Variants in XRCC5 observed in about 807,000 individuals in gnomAD.
The protein encoded by XRCC5 is X-ray repair cross complementing 5.
A neutral mutation model predicts 95.7 loss-of-function variants in XRCC5; 12 were observed. That is an observed-to-expected ratio of 0.13 (90% CI 0.08 to 0.20). The LOEUF (loss-of-function observed/expected upper bound fraction) is 0.20. XRCC5 is among the 10% of genes least tolerant of loss of function. The pLI is 1.00. For synonymous variants in XRCC5, 281 were observed against 290.3 expected, an observed-to-expected ratio of 0.97 and a Z score of 0.33; for missense variants, 595 against 873.9, an observed-to-expected ratio of 0.68 and a Z score of 4.02.
At chr2:216,183,235 G>C (rs1050627899) in intron 16 of XRCC5, among the ~76,000 whole-genome samples, 23 of 152,090 alleles carry the variant, frequency 1.5e-4, no homozygotes, top group African/African-American at 4.3e-4. Flanking sequence ...TAAAAGGAGA[G>C]AGATCTCATA....
chr2:216,181,407 C>T (rs1463063411), intron 16 of XRCC5, among the ~76,000 whole-genome samples: 1 of 152,142 alleles, frequency 6.6e-6, no homozygotes. Flanking sequence ...CAAGGCTTGC[C>T]ACAATCTGGT....
chr2:216,170,943 TCTC>T (rs1181418827), intron 16 of XRCC5, among the ~76,000 whole-genome samples: 1 of 152,192 alleles, frequency 6.6e-6, no homozygotes, highest in African/African-American at 2.4e-5. Flanking sequence ...TGTACTTGGT[TCTC>T]CTTGAATTGG....
In XRCC5 at chr2:216,178,738, A is replaced by G. The variant is rs3770504; in HGVS notation, c.1835-11487A>G. Among the ~76,000 whole-genome samples, 11 of 152,152 alleles carry G rather than the reference A, an allele frequency of 7.2e-5. No homozygotes were observed. The East Asian group carries it at 2.1e-3, about 29-fold the overall frequency. On this transcript the variant is annotated intron_variant, in intron 16 of 20. Coordinates refer to ENST00000392132, the MANE Select transcript of XRCC5 (RefSeq NM_021141.4). ...ATAGAGCTTTATTGTAACCATTTCC[A>G]TCTCTGTAAAATTAAGGGAGGGAGG...
chr2:216,121,153 A>G (rs1449860938), intron 5 of XRCC5, among the ~76,000 whole-genome samples: 1 of 152,162 alleles, frequency 6.6e-6, no homozygotes, highest in African/African-American at 2.4e-5. Flanking sequence ...CACTTTTACG[A>G]CATTTGTCCT....
At chr2:216,200,029 G>T (rs1160022991) in intron 19 of XRCC5, among the ~76,000 whole-genome samples, 1 of 142,584 alleles carries the variant, frequency 7.0e-6, no homozygotes, top group African/African-American at 3.0e-5. Context: ...TTACCAATTG[G>T]TGTTGGCCAT....
At chr2:216,127,316 G>T (rs1696915026) in intron 7 of XRCC5, among the ~76,000 whole-genome samples, 1 of 152,114 alleles carries the variant, frequency 6.6e-6, no homozygotes, top group Admixed American at 6.6e-5. Flanking sequence ...AAATATTTGT[G>T]GATTACTTTT....
At chr2:216,121,939 G>A (rs1345220403) in intron 5 of XRCC5, 123 bp from the exon 6 acceptor site, 1 of 853,844 alleles carries the variant, frequency 1.2e-6, no homozygotes, top group Non-Finnish European at 1.7e-6. Context: ...AGGTAGGTAA[G>A]AGTCGTTTGA....
chr2:216,174,587 T>A (rs968028588), intron 16 of XRCC5, among the ~76,000 whole-genome samples: 5 of 152,212 alleles, frequency 3.3e-5, no homozygotes, highest in African/African-American at 1.2e-4. Flanking sequence ...ATATACTTGA[T>A]GTAATGAAAA....
intron 20 of XRCC5, among the ~76,000 whole-genome samples, chr2:216,204,652 A>G (rs1328437105): frequency 6.6e-6 from 1 of 152,224 alleles, no homozygotes; most frequent in Non-Finnish European, 1.5e-5. Flanking sequence ...AAGGGCTGAA[A>G]AAGAGCTAGG....
chr2:216,131,729 T>C (rs1479339043), intron 9 of XRCC5, among the ~76,000 whole-genome samples: 1 of 152,232 alleles, frequency 6.6e-6, no homozygotes, highest in Non-Finnish European at 1.5e-5. Context: ...GCTTTGTTTT[T>C]AGGAGACTTC....
intron 16 of XRCC5, 97 bp from the exon 17 acceptor site, chr2:216,190,128 T>C: frequency 1.1e-6 from 1 of 946,404 alleles, no homozygotes; most frequent in South Asian, 1.9e-5. Context: ...CCATGAGGCT[T>C]GTGAACTATA....
At chr2:216,116,863 A>G (rs773679052) in intron 3 of XRCC5, 21 bp downstream of exon 3, 7 of 1,608,990 alleles carry the variant, frequency 4.4e-6, no homozygotes, top group Non-Finnish European at 5.9e-6. Context: ...TCTGCCAGAG[A>G]AGACTTTAAG....
chr2:216,120,729 T>C (rs963238749), intron 5 of XRCC5, among the ~76,000 whole-genome samples: 3 of 124,710 alleles, frequency 2.4e-5, no homozygotes, highest in African/African-American at 6.1e-5. Context: ...CAGTTTTTAG[T>C]TTTTCTTGGT....
At chr2:216,192,791 T>A in intron 18 of XRCC5, 56 bp downstream of exon 18, 1 of 1,204,296 alleles carries the variant, frequency 8.3e-7, no homozygotes, top group Non-Finnish European at 1.1e-6. Flanking sequence ...CTTATGCTAT[T>A]TTATTCTAAA....
intron 10 of XRCC5, among the ~76,000 whole-genome samples, chr2:216,134,442 T>C: frequency 6.6e-6 from 1 of 151,804 alleles, no homozygotes; most frequent in Non-Finnish European, 1.5e-5. Context: ...TTTTTTTTTT[T>C]TGAGACGGAG....
At chr2:216,204,498 G>T (rs1450846582) in intron 20 of XRCC5, 102 bp downstream of exon 20, 1 of 1,327,026 alleles carries the variant, frequency 7.5e-7, no homozygotes, top group African/African-American at 1.5e-5. Flanking sequence ...GCTTATTTGT[G>T]TTTTAATTTC....
At chr2:216,129,832 C>A (rs1456064767) in intron 8 of XRCC5, among the ~76,000 whole-genome samples, 1 of 152,100 alleles carries the variant, frequency 6.6e-6, no homozygotes, top group African/African-American at 2.4e-5. Context: ...TGCCACCATG[C>A]CTGGCTAATT....
intron 16 of XRCC5, among the ~76,000 whole-genome samples, chr2:216,186,607 G>C (rs1423244609): frequency 6.6e-6 from 1 of 152,174 alleles, no homozygotes; most frequent in Admixed American, 6.5e-5. Context: ...ATAAATGACA[G>C]CCATTTGCCT....
intron 10 of XRCC5, among the ~76,000 whole-genome samples, chr2:216,132,800 A>G (rs1225169563): frequency 6.6e-6 from 1 of 152,060 alleles, no homozygotes. Flanking sequence ...TGCCTCCCCA[A>G]GATACTCTGT....
Sources: allele counts gnomAD v4.1 joint callset (sites outside exome capture counted in the v4.1 genomes callset), GRCh38; gene constraint gnomAD v4.1.1; transcripts MANE v1.5; gene names NCBI Gene and HGNC (gene_info 2026-07-23, HGNC 2026-07-21).